The following VPS9D1 variants were observed in gnomAD, a reference collection of about 807,000 sequenced individuals.
VPS9D1 encodes the protein VPS9 domain-containing protein 1.
Under a neutral mutation model 75.8 loss-of-function variants are expected in VPS9D1, and 78 were observed. The ratio of observed to expected loss-of-function variants is 1.03; its 90% CI spans 0.86 to 1.24. The LOEUF (loss-of-function observed/expected upper bound fraction) is 1.24. Ranked by LOEUF, VPS9D1 falls within the 50% of genes most tolerant of loss-of-function variation. VPS9D1 has a pLI of 0.00. For synonymous variants in VPS9D1, 481 were observed against 385.6 expected (o/e 1.25, Z -2.90); for missense variants, 1,057 against 847.7 (o/e 1.25, Z -3.07).
Position 89,708,953 on chromosome 16 carries a change from C to CG in VPS9D1, c.1600dup (p.Arg534ProfsTer37). 1 of 1,599,376 alleles carries CG rather than the reference C, an allele frequency of 6.3e-7. No homozygotes were observed. ...ACAGACACAGATGATCCGCAGGGTCCGCACTGCGCCCCAGACAGGGTTTCA... is the reference window on the plus strand; with the variant it reads ...ACAGACACAGATGATCCGCAGGGTCCGGCACTGCGCCCCAGACAGGGTTTCA... On this transcript the variant is annotated frameshift_variant, in exon 13 of 15. Coordinates refer to ENST00000389386, the MANE Select transcript of VPS9D1 (RefSeq NM_004913.3). LOFTEE classifies it high-confidence loss of function.
At position 89,711,342 on chromosome 16, in the gene VPS9D1, A is replaced by C; in HGVS notation, c.818T>G (p.Val273Gly). The C allele has an allele frequency of 6.2e-7, 1 of 1,610,278 alleles. No individual in the cohort carries two copies. The highest frequency in any genetic ancestry group is 1.1e-5 in the South Asian group (1 of 90,060). Residue 273 changes from valine to glycine, a missense_variant, in exon 9 of 15, where the codon GTC (valine) becomes GGC (glycine). Val to Gly is a moderately radical substitution (Grantham distance 109). Transcript: ENST00000389386. The stretch of plus-strand genomic sequence containing the variant: ...GCCCAGCTACCTGAGCAGGTGTGAG[A>C]CCAGGCTGGTCACGAGTGACAGGTC... ...PGDLSLVTSL[V>G]SHLLSLPDHP... is the part of the protein sequence containing the mutation.
intron 4 of VPS9D1, among the ~76,000 whole-genome samples, chr16:89,714,243 ATTT>A (rs893255873): frequency 6.7e-6 from 1 of 148,604 alleles, no homozygotes; most frequent in South Asian, 2.1e-4. Flanking sequence ...CAGCCTTGCA[ATTT>A]TTTTTTTTAA....
rs749822831 is a variant in VPS9D1 at position 89,709,377 on chromosome 16, C to T, written c.1447G>A (p.Ala483Thr). 2 of 1,565,496 alleles carry T rather than the reference C, an allele frequency of 1.3e-6. No individual in the cohort carries two copies. Among genetic ancestry groups the T allele is most frequent in the Non-Finnish European group, 1.7e-6 (2 of 1,160,406 alleles). Residue 483 changes from alanine (A) to threonine (T), a missense_variant, in exon 12 of 15, where the codon GCA becomes ACA. By Grantham distance (58) the Ala-to-Thr change is moderately conservative (BLOSUM62 0). Transcript: ENST00000389386. ...GGGATGCCAATGGCGGTGGGGGGTG[C>T]ATTCCTGTAGAGCTCCATGCTCCTG... ...LSRSMELYRN[A>T]PPTAIGIPTK...
rs1325457450 is a variant in VPS9D1, at chr16:89,719,176, C to T, written c.100-74G>A. On this transcript the variant is annotated intron_variant, in intron 1 of 14. Coordinates refer to ENST00000389386, the MANE Select transcript of VPS9D1 (RefSeq NM_004913.3). ...GACTCCATTATTCCGGCCAGGTGCC[C>T]TTGTGGGATAAGCAAGGAACACCAC... 2.1e-6 allele frequency: 3 copies of T among 1,421,500 alleles called. No individual in the cohort carries two copies. The Admixed American group carries it at 5.0e-5, about 24-fold the overall frequency. The allele number at this position is 1,421,500 out of a possible 1,614,324, so 88.1% of individuals were successfully genotyped here.
At position 89,712,211 on chromosome 16, in the gene VPS9D1, G is replaced by A. The variant is rs1035692755; in HGVS notation, c.607-112C>T. On this transcript the variant is annotated intron_variant, in intron 6 of 14. Coordinates refer to ENST00000389386, the MANE Select transcript of VPS9D1 (RefSeq NM_004913.3). ...TCCCAGGGACCTCCTCTCGGTGAGGGGCTGTCCCCAGGTAAGGCTTCTGGG... is the reference window on the plus strand; with the variant it reads ...TCCCAGGGACCTCCTCTCGGTGAGGAGCTGTCCCCAGGTAAGGCTTCTGGG... 53 of 1,478,062 alleles carry A rather than the reference G, an allele frequency of 3.6e-5. No individual in the cohort carries two copies. The Admixed American group carries it at 1.1e-3, about 29-fold the overall frequency. The allele number at this position is 1,478,062 out of a possible 1,614,324, so 91.6% of individuals were successfully genotyped here. A position where few individuals can be genotyped will look rare whatever the true frequency, so the allele number is the denominator to read the frequency against.
At chr16:89,713,681 A>G (rs2060994757) in intron 4 of VPS9D1, among the ~76,000 whole-genome samples, 1 of 152,030 alleles carries the variant, frequency 6.6e-6, no homozygotes, top group East Asian at 1.9e-4. Flanking sequence ...ATGACTTCGA[A>G]TGTGGCCCAA....
intron 12 of VPS9D1, 64 bp from the exon 13 acceptor site, chr16:89,709,020 A>ACCCCGGCCCCCCCCCCCCCCCC: frequency 1.6e-5 from 20 of 1,277,898 alleles, no homozygotes; most frequent in South Asian, 8.1e-5. Flanking sequence ...CACCCCTTAT[A>ACCCCGGCCCCCCCCCCCCCCCC]CCCCGCCCAC....
At chr16:89,716,050 C>A (rs1019310088) in intron 4 of VPS9D1, among the ~76,000 whole-genome samples, 3 of 151,860 alleles carry the variant, frequency 2.0e-5, no homozygotes, top group Non-Finnish European at 4.4e-5. Context: ...TCAGGCCAGG[C>A]GCAGTGGCTC....
chr16:89,717,296 A>C, intron 2 of VPS9D1: 1 of 336,682 alleles, frequency 3.0e-6, no homozygotes, highest in South Asian at 2.3e-5. Flanking sequence ...CACAGCCTCG[A>C]CCCTAAACAG....
rs552606176 is a variant in VPS9D1 at position 89,708,549 on chromosome 16, C to A, written c.1698-18G>T. 4 of 1,607,996 alleles carry A rather than the reference C, an allele frequency of 2.5e-6. No homozygotes were observed. The East Asian group carries it at 8.9e-5, about 36-fold the overall frequency. Reference sequence around the variant, plus strand: ...CGGCACCACTGTCGGGAGGGCATAGCGGCCTTGGGTTGGGGCCAGGAGCCT... The same window carrying A: ...CGGCACCACTGTCGGGAGGGCATAGAGGCCTTGGGTTGGGGCCAGGAGCCT... On this transcript the variant is annotated intron_variant, in intron 13 of 14. Coordinates refer to ENST00000389386, the MANE Select transcript of VPS9D1 (RefSeq NM_004913.3).
At chr16:89,719,512 A>G in intron 1 of VPS9D1, 1 of 366,888 alleles carries the variant, frequency 2.7e-6, no homozygotes, top group South Asian at 2.0e-5. Flanking sequence ...TGATTCATTC[A>G]GTGGCTTAAA....
intron 12 of VPS9D1, 58 bp from the exon 13 acceptor site, chr16:89,709,014 C>G (rs59660050): frequency 0.63 from 933,838 of 1,490,182 alleles, 293,332 homozygotes; most frequent in East Asian, 0.85. Context: ...CTGAGCCACC[C>G]CTTATACCCC....
intron 6 of VPS9D1, 173 bp from the exon 7 acceptor site, chr16:89,712,272 G>T: frequency 1.5e-6 from 2 of 1,321,346 alleles, no homozygotes; most frequent in Non-Finnish European, 1.0e-6. Context: ...AGGAGGGCCG[G>T]GCCAGAGAAC....
chr16:89,711,701 C>T lies in VPS9D1; in HGVS notation c.747+181G>A. 15 of 803,548 alleles carry T rather than the reference C, an allele frequency of 1.9e-5. No individual in the cohort carries two copies. The South Asian group carries it at 2.6e-4, about 14-fold the overall frequency. The allele number at this position is 803,548 out of a possible 1,614,324, so 49.8% of individuals were successfully genotyped here. On this transcript the variant is annotated intron_variant, in intron 8 of 14. Transcript: ENST00000389386. ...CCTGACCTCGCCTCCTCGCTCTGCCCCGCCCCACGCAGCCCTGGCCCCGCC... is the reference window on the plus strand; with the variant it reads ...CCTGACCTCGCCTCCTCGCTCTGCCTCGCCCCACGCAGCCCTGGCCCCGCC...
intron 4 of VPS9D1, among the ~76,000 whole-genome samples, chr16:89,714,847 G>C (rs560065489): frequency 1.3e-5 from 2 of 152,084 alleles, no homozygotes; most frequent in African/African-American, 2.4e-5. Flanking sequence ...CGATTCTCCT[G>C]CCTCAGCCTC....
chr16:89,709,303 G>A lies in VPS9D1; in HGVS notation c.1521C>T (p.Tyr507=). The A allele has an allele frequency of 6.2e-7, 1 of 1,607,526 alleles. No individual in the cohort carries two copies. The highest frequency in any genetic ancestry group is 8.5e-7 in the Non-Finnish European group (1 of 1,178,484). The part of the protein sequence containing the change: ...QNPEAKGATG[Y]PYCAAAQELG... ...GCTCCTGGGCCGCCGCGCAGTAGGGGTAGCCAGTGGCCCCCTTGGCCTCAG... is the reference window on the plus strand; with the variant it reads ...GCTCCTGGGCCGCCGCGCAGTAGGGATAGCCAGTGGCCCCCTTGGCCTCAG... The change falls in exon 12 of 15, where the codon TAC becomes TAT. Residue 507 remains tyrosine (Y), a synonymous_variant. Coordinates refer to ENST00000389386, the MANE Select transcript of VPS9D1 (RefSeq NM_004913.3).
At chr16:89,712,002 C>A in intron 7 of VPS9D1, 33 bp from the exon 8 acceptor site, 1 of 1,549,508 alleles carries the variant, frequency 6.5e-7, no homozygotes, top group Admixed American at 2.0e-5. Flanking sequence ...GGTGCCGGGG[C>A]CAGGCCCTCC....
chr16:89,717,719 C>T (rs779238250), intron 2 of VPS9D1: 11 of 456,498 alleles, frequency 2.4e-5, no homozygotes, highest in South Asian at 1.1e-4. Context: ...GGACTTTGCT[C>T]TCCCCAGGGG....
At chr16:89,714,222 G>A (rs1597919571) in intron 4 of VPS9D1, among the ~76,000 whole-genome samples, 1 of 152,126 alleles carries the variant, frequency 6.6e-6, no homozygotes, top group South Asian at 2.1e-4. Flanking sequence ...ACAGGCGGGA[G>A]CCACTGCGCC....
Sources: allele counts gnomAD v4.1 joint callset (sites outside exome capture counted in the v4.1 genomes callset), GRCh38; gene constraint gnomAD v4.1.1; transcripts MANE v1.5; gene names NCBI Gene and HGNC (gene_info 2026-07-23, HGNC 2026-07-21).